Variants in CDK14 observed in about 807,000 individuals in gnomAD.
CDK14 encodes cyclin dependent kinase 14.
CDK14 carries 34 observed loss-of-function variants against 60.7 expected under a neutral mutation model. The ratio of observed to expected loss-of-function variants is 0.56; its 90% CI spans 0.43 to 0.75. The LOEUF (loss-of-function observed/expected upper bound fraction) is 0.75, where lower values mean the gene tolerates loss of function less well. CDK14 is among the 30% of genes least tolerant of loss of function. The probability of loss-of-function intolerance (pLI) is 0.00; values close to 1 mark genes in which losing one functional copy is unlikely to be tolerated. For synonymous variants in CDK14, 197 were observed against 203.7 expected, an observed-to-expected ratio of 0.97 and a Z score of 0.28; for missense variants, 482 against 564.1, an observed-to-expected ratio of 0.85 and a Z score of 1.47.
rs546096177 is a variant in CDK14 at position 90,656,117 on chromosome 7, CAG to C, written c.123+51871_123+51872del. ...TGTATTCCAGCTGGAATAAGGCAAACAGAGTGCACTCACTTTAAAGCCAAATG... is the reference window on the plus strand; with the variant it reads ...TGTATTCCAGCTGGAATAAGGCAAACAGTGCACTCACTTTAAAGCCAAATG... On this transcript the variant is annotated intron_variant, in intron 2 of 14. Transcript: ENST00000380050. 1.7e-4 allele frequency among the ~76,000 whole-genome samples: 26 copies of C among 152,296 alleles called. No individual in the cohort carries two copies. In the South Asian group the frequency reaches 5.4e-3, roughly 32 times the overall value.
At chr7:91,127,969 C>T (rs1800004964) in intron 14 of CDK14, among the ~76,000 whole-genome samples, 1 of 151,990 alleles carries the variant, frequency 6.6e-6, no homozygotes, top group Admixed American at 6.6e-5. Flanking sequence ...ACATAAATTC[C>T]ATCCGAAAAC....
chr7:90,699,152 C>T lies in CDK14; in HGVS notation c.124-27415C>T, dbSNP rs114350677. ...AACAGGAATACTGGAGAAGAATTGA[C>T]AGGAACTGATAAAATTAAGGAGTGA... On this transcript the variant is annotated intron_variant, in intron 2 of 14. Coordinates refer to ENST00000380050, the MANE Select transcript of CDK14 (RefSeq NM_001287135.2). Among the ~76,000 whole-genome samples the T allele has an allele frequency of 2.5e-3, 377 of 152,242 alleles. 5 individuals are homozygous for T. Among genetic ancestry groups the T allele is most frequent in the African/African-American group, 8.8e-3 (366 of 41,540 alleles).
At chr7:91,066,106 G>T (rs1797969553) in intron 11 of CDK14, among the ~76,000 whole-genome samples, 1 of 152,096 alleles carries the variant, frequency 6.6e-6, no homozygotes, top group Non-Finnish European at 1.5e-5. Context: ...GTGAATGCAT[G>T]TGTTACAACG....
At chr7:90,977,868 G>A (rs535688213) in intron 9 of CDK14, among the ~76,000 whole-genome samples, 1 of 152,248 alleles carries the variant, frequency 6.6e-6, no homozygotes, top group South Asian at 2.1e-4. Flanking sequence ...ATAAGGTGAT[G>A]TCCACAACCT....
intron 14 of CDK14, among the ~76,000 whole-genome samples, chr7:91,191,573 T>C (rs996312101): frequency 4.6e-5 from 7 of 151,800 alleles, no homozygotes; most frequent in Non-Finnish European, 8.8e-5. Flanking sequence ...ATACATAACT[T>C]ATTTTCAGAG....
chr7:90,821,916 A>G (rs1789564037), intron 5 of CDK14, among the ~76,000 whole-genome samples: 1 of 152,122 alleles, frequency 6.6e-6, no homozygotes, highest in African/African-American at 2.4e-5. Context: ...CTCATTGTCC[A>G]TGCTGTACCT....
At chr7:91,021,169 A>G (rs548096765) in intron 10 of CDK14, among the ~76,000 whole-genome samples, 3 of 152,148 alleles carry the variant, frequency 2.0e-5, no homozygotes, top group Admixed American at 2.0e-4. Flanking sequence ...TGCCATCACC[A>G]TTGCCATATA....
At chr7:91,062,687 T>C (rs696271) in intron 11 of CDK14, among the ~76,000 whole-genome samples, 36,568 of 152,022 alleles carry the variant, frequency 0.24, 5,356 homozygotes, top group African/African-American at 0.4. Flanking sequence ...GGAGGTCCTC[T>C]CACTAGGGAA....
chr7:91,051,364 A>G (rs140857510), intron 11 of CDK14, among the ~76,000 whole-genome samples: 1 of 152,300 alleles, frequency 6.6e-6, no homozygotes, highest in African/African-American at 2.4e-5. Flanking sequence ...TCCATCATTT[A>G]CTTCTATTTA....
intron 10 of CDK14, among the ~76,000 whole-genome samples, chr7:91,021,374 A>G (rs183160914): frequency 1.9e-4 from 29 of 152,354 alleles, no homozygotes; most frequent in Middle Eastern, 3.4e-3. Flanking sequence ...TGAGGATTAA[A>G]GAATTATTAG....
chr7:90,914,507 A>C (rs1363256666), intron 7 of CDK14, among the ~76,000 whole-genome samples: 1 of 152,176 alleles, frequency 6.6e-6, no homozygotes, highest in Non-Finnish European at 1.5e-5. Flanking sequence ...AGCACCTAGC[A>C]CATATGGTTG....
intron 9 of CDK14, among the ~76,000 whole-genome samples, chr7:90,980,654 C>G (rs1047701952): frequency 3.3e-5 from 5 of 152,070 alleles, no homozygotes; most frequent in Non-Finnish European, 5.9e-5. Flanking sequence ...TACATTTTAT[C>G]TCTTGTTGTG....
chr7:90,716,337 T>C (rs940267751), intron 2 of CDK14: 1 of 152,068 alleles, frequency 6.6e-6, no homozygotes, highest in Non-Finnish European at 1.5e-5. Context: ...ATTTCTTTTC[T>C]AGATCCTGAG....
chr7:90,809,618 A>G (rs1340202433), intron 5 of CDK14, among the ~76,000 whole-genome samples: 1 of 152,234 alleles, frequency 6.6e-6, no homozygotes, highest in Non-Finnish European at 1.5e-5. Context: ...GAAATAACTA[A>G]GATCAGAGCA....
chr7:90,748,116 G>A (rs1427279806), intron 4 of CDK14, among the ~76,000 whole-genome samples: 1 of 152,078 alleles, frequency 6.6e-6, no homozygotes, highest in Non-Finnish European at 1.5e-5. Context: ...TTGGGAATAG[G>A]AGTATTGATT....
chr7:90,889,730 A>C (rs1179268482), intron 6 of CDK14, among the ~76,000 whole-genome samples: 1 of 152,228 alleles, frequency 6.6e-6, no homozygotes, highest in Non-Finnish European at 1.5e-5. Context: ...AAATGGCTTA[A>C]AACCAGGTAA....
chr7:90,886,554 T>C (rs898070552), intron 6 of CDK14, among the ~76,000 whole-genome samples: 8 of 152,186 alleles, frequency 5.3e-5, no homozygotes, highest in African/African-American at 1.9e-4. Flanking sequence ...GTTCTTTCCC[T>C]TGAAATATTT....
At chr7:90,976,510 C>T (rs1217142961) in intron 9 of CDK14, among the ~76,000 whole-genome samples, 1 of 151,930 alleles carries the variant, frequency 6.6e-6, no homozygotes. Flanking sequence ...AGGTGCAGTC[C>T]CACCATGCCT....
chr7:90,902,401 A>G (rs1177352944), intron 7 of CDK14, among the ~76,000 whole-genome samples: 1 of 152,130 alleles, frequency 6.6e-6, no homozygotes, highest in South Asian at 2.1e-4. Flanking sequence ...AGAGACACCT[A>G]TGTGTCTGAA....
Sources: allele counts gnomAD v4.1 joint callset (sites outside exome capture counted in the v4.1 genomes callset), GRCh38; gene constraint gnomAD v4.1.1; transcripts MANE v1.5; gene names NCBI Gene and HGNC (gene_info 2026-07-23, HGNC 2026-07-21).